The following MYO1D variants were observed in gnomAD, a reference collection of about 807,000 sequenced individuals.
The protein encoded by MYO1D is unconventional myosin-Id.
Under a neutral mutation model 122.0 loss-of-function variants are expected in MYO1D, and 83 were observed. The observed-to-expected ratio is 0.68, with a 90% CI of 0.57 to 0.82. The LOEUF (loss-of-function observed/expected upper bound fraction) is 0.82. Ranked by LOEUF, MYO1D falls within the 40% of genes least tolerant of loss-of-function variation. The pLI is 0.00. For synonymous variants in MYO1D, 464 were observed against 446.9 expected (o/e 1.04, Z -0.48); for missense variants, 1,157 against 1,269.5 (o/e 0.91, Z 1.35).
chr17:32,755,502 G>A lies in MYO1D; in HGVS notation c.1457C>T (p.Ser486Phe), dbSNP rs2089937990. Residue 486 changes from serine to phenylalanine, a missense_variant, in exon 11 of 22, where the codon TCC (serine) becomes TTC (phenylalanine). By Grantham distance (155) the Ser-to-Phe change is radical. Coordinates refer to ENST00000318217, the MANE Select transcript of MYO1D (RefSeq NM_015194.3). ...CATTAAACACATTACCTTTCGGCTG[G>A]AAAAATGGGCGTGTTTGCCCAATTT... ...NSKLGKHAHF[S>F]SRKLCASDKI... is the part of the protein sequence containing the mutation. 6.2e-7 allele frequency: 1 copy of A among 1,613,688 alleles called. No homozygotes were observed. The highest frequency in any genetic ancestry group is 8.5e-7 in the Non-Finnish European group (1 of 1,179,704).
chr17:32,658,907 A>T, intron 17 of MYO1D: 1 of 576,488 alleles, frequency 1.7e-6, no homozygotes, highest in Non-Finnish European at 3.1e-6. Context: ...GTCAGCTGCT[A>T]CAGGAAAAAC....
chr17:32,828,434 T>C (rs1209135456), intron 1 of MYO1D, among the ~76,000 whole-genome samples: 2 of 141,624 alleles, frequency 1.4e-5, no homozygotes, highest in Non-Finnish European at 3.0e-5. Flanking sequence ...GAGAATGGCG[T>C]GAACCAGGGA....
At chr17:32,761,961 G>C (rs1490878848) in intron 8 of MYO1D, among the ~76,000 whole-genome samples, 2 of 152,054 alleles carry the variant, frequency 1.3e-5, no homozygotes, top group Non-Finnish European at 2.9e-5. Context: ...GAAACTTAGG[G>C]AATAGAGTGA....
chr17:32,726,567 AATAG>A (rs891021178), intron 14 of MYO1D, among the ~76,000 whole-genome samples: 12 of 150,476 alleles, frequency 8.0e-5, no homozygotes, highest in Admixed American at 6.0e-4. Context: ...TTACAATCTA[AATAG>A]ATATATATTA....
In MYO1D at chr17:32,494,860, C is replaced by T. The variant is rs147859545; in HGVS notation, c.2920G>A (p.Gly974Arg). 4 of 1,614,016 alleles carry T rather than the reference C, an allele frequency of 2.5e-6. No homozygotes were observed. The highest frequency in any genetic ancestry group is 2.7e-5 in the African/African-American group (2 of 75,052). Residue 974 changes from glycine to arginine, a missense_variant, in exon 22 of 22, where the codon GGG (glycine) becomes AGG (arginine). Transcript: ENST00000318217. Reference protein sequence around the residue: ...VTNPVQCSLHGKKCTVSVETR... With the variant: ...VTNPVQCSLHRKKCTVSVETR... ...TCCACGGAGACGGTGCACTTCTTCC[C>T]GTGCAGGCTGCACTGTACTGGGTTG...
intron 1 of MYO1D, among the ~76,000 whole-genome samples, chr17:32,834,874 T>C (rs2090806900): frequency 2.0e-5 from 3 of 152,066 alleles, no homozygotes; most frequent in Admixed American, 6.6e-5. Flanking sequence ...TAGCCAGGCA[T>C]GGTGGTGCGC....
chr17:32,785,993 T>A (rs1376131279), intron 1 of MYO1D, among the ~76,000 whole-genome samples: 1 of 152,118 alleles, frequency 6.6e-6, no homozygotes, highest in Non-Finnish European at 1.5e-5. Flanking sequence ...TGAACCACAA[T>A]CTAGGAAGAA....
chr17:32,842,141 G>A (rs2090888806), intron 1 of MYO1D, among the ~76,000 whole-genome samples: 1 of 152,146 alleles, frequency 6.6e-6, no homozygotes, highest in South Asian at 2.1e-4. Flanking sequence ...GATAGTTCCA[G>A]GACTGGGGTT....
intron 1 of MYO1D, among the ~76,000 whole-genome samples, chr17:32,829,499 G>A (rs1360113120): frequency 6.6e-6 from 1 of 152,182 alleles, no homozygotes; most frequent in African/African-American, 2.4e-5. Context: ...TGTCACCCAG[G>A]CTGGAGCACA....
At chr17:32,637,151 T>C (rs2150938127) in intron 20 of MYO1D, among the ~76,000 whole-genome samples, 1 of 152,334 alleles carries the variant, frequency 6.6e-6, no homozygotes, top group Middle Eastern at 3.4e-3. Flanking sequence ...ATTGAATTTA[T>C]ATCATGTGCC....
At chr17:32,603,228 A>C (rs976181831) in intron 21 of MYO1D, among the ~76,000 whole-genome samples, 4 of 152,192 alleles carry the variant, frequency 2.6e-5, no homozygotes, top group African/African-American at 9.6e-5. Flanking sequence ...AGGAAAAGAA[A>C]GCAACTGATG....
At chr17:32,635,606 T>C (rs564503217) in intron 20 of MYO1D, among the ~76,000 whole-genome samples, 4 of 152,086 alleles carry the variant, frequency 2.6e-5, no homozygotes, top group Non-Finnish European at 5.9e-5. Context: ...GGCAGGAGAA[T>C]TGCTTGAACC....
chr17:32,870,136 T>C (rs1159062141), intron 1 of MYO1D, among the ~76,000 whole-genome samples: 1 of 152,000 alleles, frequency 6.6e-6, no homozygotes, highest in Non-Finnish European at 1.5e-5. Context: ...GGCGGCAGGG[T>C]GATTCACTCC....
chr17:32,521,023 A>G (rs1910118677), intron 21 of MYO1D, among the ~76,000 whole-genome samples: 1 of 152,244 alleles, frequency 6.6e-6, no homozygotes, highest in Admixed American at 6.5e-5. Flanking sequence ...ATCTAGAGAT[A>G]ACACACAATG....
intron 16 of MYO1D, among the ~76,000 whole-genome samples, chr17:32,695,398 A>T (rs2150976879): frequency 6.6e-6 from 1 of 152,328 alleles, no homozygotes; most frequent in Middle Eastern, 3.4e-3. Flanking sequence ...GTCCAGTACC[A>T]GTCTGCCACT....
At chr17:32,770,344 T>C (rs2090100827) in intron 6 of MYO1D, among the ~76,000 whole-genome samples, 1 of 152,132 alleles carries the variant, frequency 6.6e-6, no homozygotes, top group Non-Finnish European at 1.5e-5. Flanking sequence ...GTTTTTGATG[T>C]AGAATTTTTT....
At chr17:32,808,571 C>T (rs2151048513) in intron 1 of MYO1D, among the ~76,000 whole-genome samples, 1 of 152,040 alleles carries the variant, frequency 6.6e-6, no homozygotes, top group African/African-American at 2.4e-5. Flanking sequence ...TGTGTCCCAC[C>T]CCCTGCCACG....
chr17:32,674,527 T>G (rs953985447), intron 16 of MYO1D, among the ~76,000 whole-genome samples: 9 of 148,650 alleles, frequency 6.1e-5, no homozygotes, highest in African/African-American at 2.2e-4. Context: ...TAAGAATAGG[T>G]TTTTTTTTTA....
chr17:32,753,431 T>C (rs1445193044), intron 11 of MYO1D, among the ~76,000 whole-genome samples: 1 of 152,102 alleles, frequency 6.6e-6, no homozygotes, highest in Non-Finnish European at 1.5e-5. Context: ...AATCACTACC[T>C]CAGCACTTGT....
Sources: allele counts gnomAD v4.1 joint callset (sites outside exome capture counted in the v4.1 genomes callset), GRCh38; gene constraint gnomAD v4.1.1; transcripts MANE v1.5; gene names NCBI Gene and HGNC (gene_info 2026-07-23, HGNC 2026-07-21).